The following RBM6 variants were observed in gnomAD, a reference collection of about 807,000 sequenced individuals.
RBM6 encodes RNA binding motif protein 6.
A neutral mutation model predicts 140.4 loss-of-function variants in RBM6; 23 were observed. That is an observed-to-expected ratio of 0.16 (90% CI 0.12 to 0.23). The LOEUF (loss-of-function observed/expected upper bound fraction) is 0.23. RBM6 is among the 10% of genes least tolerant of loss of function. The pLI is 1.00. For missense variants in RBM6, 1,139 were observed against 1,386.7 expected, an observed-to-expected ratio of 0.82 and a Z score of 2.84; for synonymous variants, 439 against 475.6, an observed-to-expected ratio of 0.92 and a Z score of 1.00.
chr3:50,053,340 T>C (rs1406698169), intron 7 of RBM6, among the ~76,000 whole-genome samples: 1 of 152,134 alleles, frequency 6.6e-6, no homozygotes, highest in African/African-American at 2.4e-5. Flanking sequence ...GAGACCAGCC[T>C]GACCAACATG....
chr3:49,972,011 T>A, intron 3 of RBM6, 48 bp from the exon 4 acceptor site: 1 of 1,359,208 alleles, frequency 7.4e-7, no homozygotes, highest in Non-Finnish European at 1.0e-6. Flanking sequence ...ATTTGTGTTT[T>A]GTGCAGTAAA....
intron 2 of RBM6, chr3:49,963,023 C>CT (rs1319457069): frequency 5.9e-6 from 1 of 168,992 alleles, no homozygotes; most frequent in Non-Finnish European, 1.2e-5. Context: ...TGGTGTGAAC[C>CT]TGGGAGGCGG....
At position 49,978,221 on chromosome 3, in the gene RBM6, G is replaced by A. The variant is rs146829984; in HGVS notation, c.1483+2829G>A. Among the ~76,000 whole-genome samples the A allele has an allele frequency of 1.3e-4, 20 of 152,178 alleles. No homozygotes were observed. In the East Asian group the frequency reaches 3.9e-3, roughly 29 times the overall value. The stretch of plus-strand genomic sequence containing the variant: ...TCACTATGTTTCCCAGGCTGGTCTT[G>A]AACTCCTGGGTTCAAGTGATTCTCC... On this transcript the variant is annotated intron_variant, in intron 5 of 20. Transcript: ENST00000266022.
At chr3:49,948,578 G>A (rs1460793295) in intron 1 of RBM6, among the ~76,000 whole-genome samples, 1 of 151,822 alleles carries the variant, frequency 6.6e-6, no homozygotes, top group Non-Finnish European at 1.5e-5. Flanking sequence ...GCTGGGTGTG[G>A]TGGCGCGCAC....
chr3:50,022,212 G>T (rs1346837562), intron 6 of RBM6, among the ~76,000 whole-genome samples: 1 of 152,070 alleles, frequency 6.6e-6, no homozygotes, highest in Non-Finnish European at 1.5e-5. Flanking sequence ...CAAAATACTT[G>T]TATTGGGTAG....
intron 20 of RBM6, 109 bp from the exon 21 acceptor site, chr3:50,076,897 AAT>A: frequency 8.7e-7 from 1 of 1,153,200 alleles, no homozygotes; most frequent in Non-Finnish European, 1.2e-6. Flanking sequence ...AAAAAAAAAA[AAT>A]TATCCTATAT....
intron 1 of RBM6, among the ~76,000 whole-genome samples, chr3:49,956,866 T>C (rs150156796): frequency 0.028 from 4,273 of 151,896 alleles, 86 homozygotes; most frequent in Non-Finnish European, 0.042. Flanking sequence ...GGTTTCTCCA[T>C]GTTGGTCAGG....
intron 6 of RBM6, among the ~76,000 whole-genome samples, chr3:50,034,992 C>CT (rs2088429338): frequency 8.7e-6 from 1 of 115,348 alleles, no homozygotes; most frequent in Non-Finnish European, 1.8e-5. Flanking sequence ...CTCCTCTCCT[C>CT]TTCCCTCTCC....
chr3:49,969,183 C>T (rs890559823), intron 3 of RBM6, among the ~76,000 whole-genome samples: 5 of 151,632 alleles, frequency 3.3e-5, no homozygotes, highest in Non-Finnish European at 5.9e-5. Context: ...TGCCACCATG[C>T]CCAGTTAATT....
intron 6 of RBM6, among the ~76,000 whole-genome samples, chr3:50,040,466 A>AT (rs2088828883): frequency 8.8e-5 from 3 of 34,246 alleles, no homozygotes; most frequent in Non-Finnish European, 1.8e-4. Flanking sequence ...AAAAAAAAAA[A>AT]AAAAAATATA....
intron 1 of RBM6, among the ~76,000 whole-genome samples, chr3:49,947,533 TTC>T (rs2083549581): frequency 6.6e-6 from 1 of 152,212 alleles, no homozygotes; most frequent in South Asian, 2.1e-4. Context: ...TACAAATATT[TTC>T]TCTCTGTGGT....
intron 1 of RBM6, among the ~76,000 whole-genome samples, chr3:49,942,902 A>G (rs935297033): frequency 2.6e-5 from 4 of 152,334 alleles, no homozygotes; most frequent in Middle Eastern, 3.4e-3. Flanking sequence ...TAAACAAGTT[A>G]ACTTCCCATT....
chr3:50,019,895 G>T (rs1012987969), intron 6 of RBM6, among the ~76,000 whole-genome samples: 1 of 151,352 alleles, frequency 6.6e-6, no homozygotes, highest in East Asian at 1.9e-4. Flanking sequence ...TCAGCATGTC[G>T]ATGTGATGGA....
intron 6 of RBM6, among the ~76,000 whole-genome samples, chr3:50,011,313 G>A (rs550693750): frequency 6.6e-6 from 1 of 152,256 alleles, no homozygotes; most frequent in East Asian, 1.9e-4. Context: ...ATTATGGATG[G>A]AGTTGGTAAC....
chr3:50,021,739 G>GGTTTTTTTTTT (rs1559596492), intron 6 of RBM6, among the ~76,000 whole-genome samples: 1 of 50,588 alleles, frequency 2.0e-5, no homozygotes, highest in African/African-American at 6.2e-5. Context: ...GAATTTAAGT[G>GGTTTTTTTTTT]CTTTTTTTTT....
At position 49,968,611 on chromosome 3, in the gene RBM6, C is replaced by T. The variant is rs749835913; in HGVS notation, c.1186C>T (p.Arg396Trp). The T allele has an allele frequency of 1.7e-5, 28 of 1,613,902 alleles. No homozygotes were observed. Among genetic ancestry groups the T allele is most frequent in the African/African-American group, 5.3e-5 (4 of 74,868 alleles). ...KEEGGLDFLG[R>W]QDTDYRSMEY... Reference sequence around the variant, plus strand: ...AGAAGGCGGTCTGGACTTTCTTGGGCGGCAAGACACCGATTACAGAAGCAT... The same window carrying T: ...AGAAGGCGGTCTGGACTTTCTTGGGTGGCAAGACACCGATTACAGAAGCAT... Residue 396 changes from arginine (R) to tryptophan (W), a missense_variant, in exon 3 of 21, where the codon CGG becomes TGG. Arg to Trp is a moderately radical substitution (Grantham distance 101). Coordinates refer to ENST00000266022, the MANE Select transcript of RBM6 (RefSeq NM_005777.3).
chr3:49,951,657 G>A lies in RBM6; in HGVS notation c.-66-10919G>A, dbSNP rs2083736177. Among the ~76,000 whole-genome samples the A allele has an allele frequency of 2.7e-5, 4 of 150,260 alleles. No individual in the cohort carries two copies. In the South Asian group the frequency reaches 8.4e-4, roughly 32 times the overall value. ...ACGATCTTGGCTCACTGCATCCTCT[G>A]CCTCCCAAGTTCAAGTGATTCTCCT... On this transcript the variant is annotated intron_variant, in intron 1 of 20. Coordinates refer to ENST00000266022, the MANE Select transcript of RBM6 (RefSeq NM_005777.3).
intron 6 of RBM6, among the ~76,000 whole-genome samples, chr3:50,037,819 CTTTT>C (rs11328228): frequency 7.8e-6 from 1 of 127,506 alleles, no homozygotes; most frequent in Middle Eastern, 3.8e-3. Context: ...CTTTTCTTTC[CTTTT>C]TTTTTTTTTT....
chr3:50,022,240 T>G (rs185646934), intron 6 of RBM6, among the ~76,000 whole-genome samples: 5 of 152,320 alleles, frequency 3.3e-5, no homozygotes, highest in African/African-American at 1.2e-4. Context: ...TGGTTGGTTG[T>G]TACTCTCTAA....
Sources: gnomAD v4.1 joint callset for allele counts (sites outside exome capture counted in the v4.1 genomes callset) on GRCh38, gnomAD v4.1.1 for gene constraint, MANE v1.5 for transcripts, NCBI Gene and HGNC (gene_info 2026-07-23, HGNC 2026-07-21) for gene names.